LRMDA: variants seen among roughly 807,000 people sequenced by gnomAD.
LRMDA encodes leucine-rich melanocyte differentiation-associated protein.
A neutral mutation model predicts 29.8 loss-of-function variants in LRMDA; 18 were observed. That is an observed-to-expected ratio of 0.60 (90% confidence interval 0.42 to 0.90). LRMDA has a LOEUF of 0.90. Ranked by LOEUF, LRMDA falls within the 40% of genes least tolerant of loss-of-function variation. LRMDA has a pLI of 0.00. For missense variants in LRMDA, 273 were observed against 273.9 expected (o/e 1.00, Z 0.02); for synonymous variants, 125 against 109.4 (o/e 1.14, Z -0.89).
intron 2 of LRMDA, among the ~76,000 whole-genome samples, chr10:76,025,698 T>C (rs533629294): frequency 6.6e-6 from 1 of 152,278 alleles, no homozygotes; most frequent in African/African-American, 2.4e-5. Flanking sequence ...TTTCCTTATG[T>C]TCCCTCACCA....
In LRMDA at chr10:75,463,125, C is replaced by T. The variant is rs549924249; in HGVS notation, c.131+24631C>T. Reference sequence around the variant, plus strand: ...ATGCTCCTGCATCCTCTTCTCTCTGCTTCAGCCCGAGCTGGAGAGCTTGGA... The same window carrying T: ...ATGCTCCTGCATCCTCTTCTCTCTGTTTCAGCCCGAGCTGGAGAGCTTGGA... On this transcript the variant is annotated intron_variant, in intron 2 of 6. Transcript: ENST00000611255. Among the ~76,000 whole-genome samples the T allele has an allele frequency of 8.5e-5, 13 of 152,306 alleles. No homozygotes were observed. The East Asian group carries it at 9.7e-4, about 11-fold the overall frequency.
chr10:76,538,484 T>G (rs1381747196), intron 6 of LRMDA, among the ~76,000 whole-genome samples: 1 of 134,456 alleles, frequency 7.4e-6, no homozygotes, highest in Non-Finnish European at 1.6e-5. Context: ...ATATACATAT[T>G]TATATAGTTA....
At chr10:76,412,854 A>G (rs1229002382) in intron 6 of LRMDA, among the ~76,000 whole-genome samples, 1 of 152,064 alleles carries the variant, frequency 6.6e-6, no homozygotes, top group African/African-American at 2.4e-5. Context: ...CTAAATGCTA[A>G]AAGAATAATT....
In LRMDA at chr10:76,521,132, A is replaced by AT. The variant is rs11286208; in HGVS notation, c.602-36058dup. On this transcript the variant is annotated intron_variant, in intron 6 of 6. Transcript: ENST00000611255. The stretch of plus-strand genomic sequence containing the variant: ...TTGCTCCATTCTATTCATTATTACC[A>AT]TTTTTTTTTTTTTTTTTTTGAGACG... Among the ~76,000 whole-genome samples the AT allele has an allele frequency of 2.6e-3, 302 of 114,644 alleles. 5 individuals are homozygous for AT. The South Asian group carries it at 0.035, about 13-fold the overall frequency. 75.2% of individuals were successfully genotyped at this position (114,644 alleles called of 152,430 possible).
At chr10:75,804,082 G>C (rs1055300143) in intron 2 of LRMDA, among the ~76,000 whole-genome samples, 5 of 152,178 alleles carry the variant, frequency 3.3e-5, no homozygotes, top group Admixed American at 3.3e-4. Context: ...AGTTGGAAAG[G>C]CACTCAGTAA....
At chr10:76,416,158 A>G (rs542785240) in intron 6 of LRMDA, among the ~76,000 whole-genome samples, 12 of 152,302 alleles carry the variant, frequency 7.9e-5, no homozygotes, top group Non-Finnish European at 1.5e-4. Flanking sequence ...AAAGCATTCA[A>G]CTAATATGGC....
At chr10:76,054,964 T>C (rs917213856) in intron 4 of LRMDA, among the ~76,000 whole-genome samples, 4 of 144,576 alleles carry the variant, frequency 2.8e-5, no homozygotes, top group Admixed American at 2.2e-4. Context: ...CTTGGGAGGC[T>C]GAGACAGGGG....
chr10:75,496,243 A>G (rs1345892968), intron 2 of LRMDA, among the ~76,000 whole-genome samples: 2 of 152,294 alleles, frequency 1.3e-5, no homozygotes, highest in Non-Finnish European at 2.9e-5. Flanking sequence ...TTGGAGGTCT[A>G]GAGACCTGGG....
chr10:75,840,399 A>C (rs1001730518), intron 2 of LRMDA, among the ~76,000 whole-genome samples: 1 of 152,216 alleles, frequency 6.6e-6, no homozygotes, highest in African/African-American at 2.4e-5. Flanking sequence ...AATTATTATG[A>C]ATGTTGAATT....
chr10:75,792,758 C>T lies in LRMDA; in HGVS notation c.132-243250C>T, dbSNP rs186901211. 1.1e-3 allele frequency among the ~76,000 whole-genome samples: 166 copies of T among 152,258 alleles called. 1 individual carries two copies. Among genetic ancestry groups the T allele is most frequent in the Non-Finnish European group, 1.9e-3 (130 of 68,018 alleles). On this transcript the variant is annotated intron_variant, in intron 2 of 6. Transcript: ENST00000611255. The stretch of plus-strand genomic sequence containing the variant: ...AATTAATGTTCATATGCCTCTGTGT[C>T]CTTATCCACAAAAGAAAAAATAGTA...
chr10:76,177,969 TC>T (rs1402645600), intron 5 of LRMDA, among the ~76,000 whole-genome samples: 1 of 152,152 alleles, frequency 6.6e-6, no homozygotes, highest in Non-Finnish European at 1.5e-5. Flanking sequence ...CTACCTTTGC[TC>T]CCCCATGCTG....
chr10:75,711,444 A>G (rs1186766147), intron 2 of LRMDA, among the ~76,000 whole-genome samples: 2 of 152,190 alleles, frequency 1.3e-5, no homozygotes, highest in African/African-American at 4.8e-5. Context: ...ACTAGTTACA[A>G]TTCCCTGTTT....
chr10:76,318,193 A>T (rs1351997146), intron 5 of LRMDA: 2 of 152,220 alleles, frequency 1.3e-5, no homozygotes, highest in African/African-American at 2.4e-5. Context: ...CTGTGATTGA[A>T]TTAGTTATGT....
At chr10:76,324,635 A>G in intron 6 of LRMDA, 150 bp downstream of exon 6, 1 of 659,688 alleles carries the variant, frequency 1.5e-6, no homozygotes, top group South Asian at 1.9e-5. Flanking sequence ...TGTCACACGT[A>G]GTGATTTTAA....
At chr10:75,906,848 CCT>C (rs1225558585) in intron 2 of LRMDA, among the ~76,000 whole-genome samples, 1 of 149,648 alleles carries the variant, frequency 6.7e-6, no homozygotes, top group African/African-American at 2.5e-5. Flanking sequence ...GAGGCCCTGT[CCT>C]CTGAACATAA....
intron 2 of LRMDA, among the ~76,000 whole-genome samples, chr10:75,464,759 C>G (rs1207509995): frequency 6.6e-6 from 1 of 152,122 alleles, no homozygotes; most frequent in Non-Finnish European, 1.5e-5. Context: ...CTACTGGGAT[C>G]AGGGGAAGTC....
At chr10:76,369,906 G>T (rs574726099) in intron 6 of LRMDA, among the ~76,000 whole-genome samples, 2 of 152,172 alleles carry the variant, frequency 1.3e-5, no homozygotes, top group African/African-American at 4.8e-5. Flanking sequence ...TCCCATCTAC[G>T]AGATGACAAA....
At chr10:75,855,486 T>G (rs1844809737) in intron 2 of LRMDA, among the ~76,000 whole-genome samples, 1 of 152,234 alleles carries the variant, frequency 6.6e-6, no homozygotes, top group South Asian at 2.1e-4. Context: ...ATGAGTAGAT[T>G]GCAGAAATTT....
chr10:76,130,646 T>C (rs1033306754), intron 5 of LRMDA, among the ~76,000 whole-genome samples: 6 of 152,166 alleles, frequency 3.9e-5, no homozygotes, highest in Non-Finnish European at 8.8e-5. Context: ...GCCTTCTGTG[T>C]CTACCCAGCT....
Sources: gnomAD v4.1 joint callset for allele counts (sites outside exome capture counted in the v4.1 genomes callset) on GRCh38, gnomAD v4.1.1 for gene constraint, MANE v1.5 for transcripts, NCBI Gene and HGNC (gene_info 2026-07-23, HGNC 2026-07-21) for gene names.